CSMD1: variants seen among roughly 807,000 people sequenced by gnomAD.
The protein encoded by CSMD1 is CUB and Sushi multiple domains 1, also known as CUB and sushi domain-containing protein 1.
CSMD1 carries 213 observed loss-of-function variants against 417.5 expected under a neutral mutation model. That is an observed-to-expected ratio of 0.51 (90% confidence interval 0.46 to 0.57). The LOEUF is 0.57. Ranked by LOEUF, CSMD1 falls within the 20% of genes least tolerant of loss-of-function variation. The pLI, the probability that CSMD1 is intolerant of heterozygous loss-of-function variation, is 0.00. For missense variants in CSMD1, 6,923 were observed against 4,529.7 expected, an observed-to-expected ratio of 1.53 and a Z score of -15.17; for synonymous variants, 2,862 against 1,736.8, an observed-to-expected ratio of 1.65 and a Z score of -16.11.
chr8:4,354,263 T>G (rs1161159371), intron 3 of CSMD1, among the ~76,000 whole-genome samples: 2 of 149,098 alleles, frequency 1.3e-5, no homozygotes, highest in Non-Finnish European at 3.0e-5. Flanking sequence ...GATCACGGTG[T>G]TATTTTATGA....
intron 12 of CSMD1, among the ~76,000 whole-genome samples, chr8:3,461,401 C>G (rs1006341574): frequency 3.9e-5 from 6 of 152,280 alleles, no homozygotes; most frequent in Admixed American, 1.3e-4. Flanking sequence ...ACCCTAAATC[C>G]ACGGCCATAA....
intron 3 of CSMD1, among the ~76,000 whole-genome samples, chr8:4,313,461 C>G (rs965800441): frequency 2.9e-5 from 4 of 136,622 alleles, no homozygotes; most frequent in African/African-American, 1.1e-4. Flanking sequence ...AAAATGTTAG[C>G]AATGCAGGAA....
chr8:3,887,715 T>A (rs1490242284), intron 5 of CSMD1, among the ~76,000 whole-genome samples: 2 of 152,314 alleles, frequency 1.3e-5, no homozygotes, highest in African/African-American at 2.4e-5. Flanking sequence ...TGGAAGGAAA[T>A]AGCTTTGATC....
At chr8:2,945,680 C>G (rs972779540) in intron 68 of CSMD1, among the ~76,000 whole-genome samples, 2 of 152,172 alleles carry the variant, frequency 1.3e-5, no homozygotes, top group African/African-American at 4.8e-5. Flanking sequence ...TGCGATCCCT[C>G]TGCTACCCTC....
intron 3 of CSMD1, among the ~76,000 whole-genome samples, chr8:4,118,765 T>A (rs960028448): frequency 1.3e-5 from 2 of 152,194 alleles, no homozygotes; most frequent in African/African-American, 2.4e-5. Context: ...GGAATATGAA[T>A]CGTTCTACTA....
chr8:3,177,369 C>T (rs1195375501), intron 37 of CSMD1, among the ~76,000 whole-genome samples: 10 of 152,246 alleles, frequency 6.6e-5, no homozygotes, highest in South Asian at 2.1e-4. Flanking sequence ...ACGAGAAGGG[C>T]GTGAAACACC....
At chr8:4,430,238 C>T (rs1434307838) in intron 2 of CSMD1, among the ~76,000 whole-genome samples, 1 of 152,134 alleles carries the variant, frequency 6.6e-6, no homozygotes, top group Non-Finnish European at 1.5e-5. Flanking sequence ...GCCATGAATA[C>T]TGGGTCGGAG....
At chr8:3,778,101 G>C (rs893188379) in intron 5 of CSMD1, among the ~76,000 whole-genome samples, 1 of 152,218 alleles carries the variant, frequency 6.6e-6, no homozygotes, top group East Asian at 1.9e-4. Context: ...CTGGCCCAGA[G>C]CATTATCTTG....
chr8:3,005,224 G>C (rs774062200), intron 52 of CSMD1, among the ~76,000 whole-genome samples: 1 of 152,198 alleles, frequency 6.6e-6, no homozygotes, highest in Non-Finnish European at 1.5e-5. Flanking sequence ...AGTACCCTGG[G>C]TGGGACCCAG....
intron 7 of CSMD1, among the ~76,000 whole-genome samples, chr8:3,668,785 T>A (rs1798834916): frequency 6.6e-6 from 1 of 152,178 alleles, no homozygotes; most frequent in South Asian, 2.1e-4. Flanking sequence ...ACTCTAGTTT[T>A]GGCTCATTTT....
chr8:2,937,109 C>A lies in CSMD1; in HGVS notation c.*1476G>T, dbSNP rs947343588. 2.6e-5 allele frequency: 4 copies of A among 152,144 alleles called. No homozygotes were observed. The allele number at this position is 152,144 out of a possible 1,614,324, so 9.4% of individuals were successfully genotyped here. A position where few individuals can be genotyped will look rare whatever the true frequency, so the allele number is the denominator to read the frequency against. ...ATTTGTTACATAAACTACCTCACGG[C>A]CACATCTTCTACTTCATGTTTTGAT... On this transcript the variant is annotated 3_prime_UTR_variant, in exon 70 of 70. Transcript: ENST00000635120.
chr8:3,533,324 ACAG>A (rs996921531), intron 10 of CSMD1, among the ~76,000 whole-genome samples: 8 of 152,216 alleles, frequency 5.3e-5, no homozygotes, highest in East Asian at 3.8e-4. Flanking sequence ...CCGAGATTGT[ACAG>A]CAGATCTCTA....
intron 2 of CSMD1, among the ~76,000 whole-genome samples, chr8:4,482,984 G>A (rs968840649): frequency 6.6e-6 from 1 of 152,138 alleles, no homozygotes. Context: ...AATGGAGTTA[G>A]GTAGTAAAAT....
At chr8:3,099,111 T>C (rs1180791489) in intron 46 of CSMD1, among the ~76,000 whole-genome samples, 1 of 151,904 alleles carries the variant, frequency 6.6e-6, no homozygotes, top group Non-Finnish European at 1.5e-5. Flanking sequence ...CCCAAGCCTC[T>C]TTACATTTCT....
At chr8:3,108,482 G>T in intron 44 of CSMD1, 121 bp downstream of exon 44, 1 of 993,696 alleles carries the variant, frequency 1.0e-6, no homozygotes, top group Non-Finnish European at 1.5e-6. Context: ...CAGTGCAAAA[G>T]AATCATACAC....
intron 3 of CSMD1, among the ~76,000 whole-genome samples, chr8:4,396,683 G>T (rs1444715817): frequency 1.3e-5 from 2 of 151,594 alleles, no homozygotes; most frequent in South Asian, 4.2e-4. Flanking sequence ...ACACCCAATG[G>T]AATACCGATC....
chr8:4,537,453 T>C (rs1053838273), intron 2 of CSMD1, among the ~76,000 whole-genome samples: 2 of 152,218 alleles, frequency 1.3e-5, no homozygotes, highest in Non-Finnish European at 2.9e-5. Context: ...TTAAAAGTCA[T>C]ATTACTAATT....
chr8:3,964,313 C>T (rs916775601), intron 5 of CSMD1, among the ~76,000 whole-genome samples: 1 of 152,116 alleles, frequency 6.6e-6, no homozygotes, highest in Non-Finnish European at 1.5e-5. Flanking sequence ...GTCACGCGGC[C>T]ATAAGTCTCA....
chr8:3,792,526 C>G (rs1183420918), intron 5 of CSMD1, among the ~76,000 whole-genome samples: 1 of 152,142 alleles, frequency 6.6e-6, no homozygotes, highest in East Asian at 1.9e-4. Context: ...AATTATCTCA[C>G]AATTGATTTA....
Sources: allele counts gnomAD v4.1 joint callset (sites outside exome capture counted in the v4.1 genomes callset), GRCh38; gene constraint gnomAD v4.1.1; transcripts MANE v1.5; gene names NCBI Gene and HGNC (gene_info 2026-07-23, HGNC 2026-07-21).